Variants in RAD17 observed in about 807,000 individuals in gnomAD.
RAD17 encodes RAD17 checkpoint clamp loader component, also known as cell cycle checkpoint protein RAD17.
In RAD17, 31 loss-of-function variants were observed where a neutral mutation model predicts 81.5. The ratio of observed to expected loss-of-function variants is 0.38; its 90% confidence interval spans 0.29 to 0.51. The LOEUF (loss-of-function observed/expected upper bound fraction) is 0.51, where lower values mean the gene tolerates loss of function less well. Among genes scored for constraint, RAD17 ranks in the 20% least tolerant of loss-of-function variants. RAD17 has a pLI of 0.88. For missense variants in RAD17, 681 were observed against 781.2 expected (o/e 0.87, Z 1.53); for synonymous variants, 261 against 266.2 (o/e 0.98, Z 0.19).
rs1432694414 is a variant in RAD17, at chr5:69,389,456, TC to T, written c.1006+312del. Among the ~76,000 whole-genome samples the T allele has an allele frequency of 4.9e-4, 75 of 152,310 alleles. 1 individual carries two copies. Among genetic ancestry groups the T allele is most frequent in the Admixed American group, 1.2e-3 (18 of 15,294 alleles). ...TATAGGCCTATGCAGGTGACTCTTA[TC>T]TTTCTGTGCCTCTGTTTTCTCACCT... On this transcript the variant is annotated intron_variant, in intron 12 of 18. Transcript: ENST00000354868.
At chr5:69,399,625 TTATC>T in intron 16 of RAD17, among the ~76,000 whole-genome samples, 1 of 152,348 alleles carries the variant, frequency 6.6e-6, no homozygotes, top group African/African-American at 2.4e-5. Flanking sequence ...TGCATATAAA[TTATC>T]TAAGACTGTT....
chr5:69,398,322 G>T (rs866251759), intron 16 of RAD17, among the ~76,000 whole-genome samples: 1 of 152,110 alleles, frequency 6.6e-6, no homozygotes, highest in East Asian at 1.9e-4. Flanking sequence ...GAAAGGAGAA[G>T]AAATCTTGGC....
chr5:69,374,592 A>G, intron 5 of RAD17, 36 bp from the exon 6 acceptor site: 1 of 1,517,740 alleles, frequency 6.6e-7, no homozygotes, highest in Non-Finnish European at 9.0e-7. Flanking sequence ...TCTTCAGTTA[A>G]GAAGTTTTGT....
chr5:69,397,006 G>T (rs995502408), intron 16 of RAD17, among the ~76,000 whole-genome samples: 3 of 151,668 alleles, frequency 2.0e-5, no homozygotes, highest in Non-Finnish European at 4.4e-5. Context: ...CTAATTTTTT[G>T]TATTTTTAGT....
Position 69,374,654 on chromosome 5 carries a change from A to G in RAD17, c.294A>G (p.Lys98=). 1.2e-6 allele frequency: 2 copies of G among 1,611,198 alleles called. No individual in the cohort carries two copies. The highest frequency in any genetic ancestry group is 1.1e-5 in the South Asian group (1 of 90,010). Residue 98 remains lysine (K), a synonymous_variant, in exon 6 of 19, where the codon AAA becomes AAG. Coordinates refer to ENST00000354868, the MANE Select transcript of RAD17 (RefSeq NM_133338.3). ...ATGAACTTGCTGTGCATAAAAAGAA[A>G]ATTGAAGAAGTCGAAACCTGGTTAA... ...TQHELAVHKK[K]IEEVETWLKA...
rs200527967 is a variant in RAD17, at chr5:69,389,038, G to T, written c.899G>T (p.Gly300Val). 4.1e-5 allele frequency: 60 copies of T among 1,463,562 alleles called. No individual in the cohort carries two copies. The East Asian group carries it at 7.2e-4, about 18-fold the overall frequency. 90.7% of individuals were successfully genotyped at this position (1,463,562 alleles called of 1,614,324 possible). The change falls in exon 12 of 19, where the codon GGA becomes GTA. Residue 300 changes from glycine to valine, a missense_variant. Physicochemically the swap from Gly to Val is moderately radical, Grantham distance 109. Transcript: ENST00000354868. ...AATTTAATTTTCTTATTTTAGAATG[G>T]AGGAAAAATTACTGTCCCTGACAAA... ...RIVTIEANKN[G>V]GKITVPDKTS...
upstream of RAD17, chr5:69,369,472 G>A (rs759423974): frequency 4.3e-6 from 7 of 1,611,308 alleles, no homozygotes; most frequent in South Asian, 3.3e-5. Context: ...CCGGTGAGCA[G>A]GATGTTCGGA....
intron 17 of RAD17, among the ~76,000 whole-genome samples, chr5:69,407,883 A>G (rs1423945692): frequency 6.6e-6 from 1 of 152,168 alleles, no homozygotes; most frequent in African/African-American, 2.4e-5. Context: ...TTCTGGTTCA[A>G]ATCTACTGTT....
intron 12 of RAD17, among the ~76,000 whole-genome samples, chr5:69,391,591 C>T (rs1009595943): frequency 6.6e-6 from 1 of 152,116 alleles, no homozygotes; most frequent in African/African-American, 2.4e-5. Flanking sequence ...AGAGATTGTG[C>T]TATTGTGCAT....
rs1762807755 is a variant in RAD17, at chr5:69,369,818, G to T, written c.-532G>T. 1 of 1,070,464 alleles carries T rather than the reference G, an allele frequency of 9.3e-7. No individual in the cohort carries two copies. The highest frequency in any genetic ancestry group is 2.7e-5 in the East Asian group (1 of 37,066). 66.3% of individuals were successfully genotyped at this position (1,070,464 alleles called of 1,614,324 possible). A position where few individuals can be genotyped will look rare whatever the true frequency, so the allele number is the denominator to read the frequency against. ...CAGTCTGGAAGGTCCCCGGGAGGCCGTACCTCCGAGAGGCTCGGCGTTGAG... is the reference window on the plus strand; with the variant it reads ...CAGTCTGGAAGGTCCCCGGGAGGCCTTACCTCCGAGAGGCTCGGCGTTGAG... On this transcript the variant is annotated 5_prime_UTR_variant, in exon 1 of 19. Coordinates refer to ENST00000354868, the MANE Select transcript of RAD17 (RefSeq NM_133338.3).
chr5:69,377,451 A>G (rs1270038952), intron 6 of RAD17, among the ~76,000 whole-genome samples: 1 of 11,134 alleles, frequency 9.0e-5, no homozygotes, highest in African/African-American at 1.3e-4. Flanking sequence ...ATATATATAT[A>G]TATATATATA....
intron 3 of RAD17, 79 bp from the exon 4 acceptor site, chr5:69,371,955 C>A: frequency 1.3e-6 from 1 of 765,500 alleles, no homozygotes; most frequent in Non-Finnish European, 1.8e-6. Flanking sequence ...GTAGCTATTT[C>A]CCTAAGTGGT....
At chr5:69,396,305 CTAAA>C in intron 15 of RAD17, 88 bp from the exon 16 acceptor site, 2 of 1,340,100 alleles carry the variant, frequency 1.5e-6, no homozygotes, top group South Asian at 3.0e-5. Flanking sequence ...CACATAGAAA[CTAAA>C]TACGGTTAGT....
At chr5:69,412,087 G>T (rs544702201) in intron 18 of RAD17, among the ~76,000 whole-genome samples, 2 of 152,078 alleles carry the variant, frequency 1.3e-5, no homozygotes, top group African/African-American at 4.8e-5. Context: ...CTGCCGAGTA[G>T]CTGGGACTAC....
intron 5 of RAD17, 35 bp from the exon 6 acceptor site, chr5:69,374,590 TAAG>T (rs1240442138): frequency 1.3e-6 from 2 of 1,508,110 alleles, no homozygotes; most frequent in Admixed American, 1.9e-5. Flanking sequence ...AATCTTCAGT[TAAG>T]AAGTTTTGTT....
At position 69,396,405 on chromosome 5, in the gene RAD17, T is replaced by C; in HGVS notation, c.1431T>C (p.Ser477=). The C allele has an allele frequency of 1.2e-6, 2 of 1,610,750 alleles. No homozygotes were observed. Among genetic ancestry groups the C allele is most frequent in the South Asian group, 2.2e-5 (2 of 90,298 alleles). The change falls in exon 16 of 19, where the codon TCT becomes TCC. Residue 477 remains serine (S), a synonymous_variant. Transcript: ENST00000354868. The stretch of plus-strand genomic sequence containing the variant: ...CTTGTCTCATTTGTTAGACACGCTC[T>C]TTACTCAGGGAATATAGCACATCTA... ...DILSGDWNTR[S]LLREYSTSIA...
At chr5:69,374,575 CA>C in intron 5 of RAD17, 52 bp from the exon 6 acceptor site, 3 of 1,371,794 alleles carry the variant, frequency 2.2e-6, no homozygotes, top group Admixed American at 2.0e-5. Flanking sequence ...GCTGATGTAC[CA>C]AAAAATCTTC....
chr5:69,409,143 A>G (rs1443276201), intron 17 of RAD17, among the ~76,000 whole-genome samples: 1 of 151,868 alleles, frequency 6.6e-6, no homozygotes, highest in East Asian at 1.9e-4. Context: ...CTCTGGGCAA[A>G]ATCTCTAAGC....
chr5:69,392,873 G>A, intron 13 of RAD17: 1 of 466,298 alleles, frequency 2.1e-6, no homozygotes, highest in Admixed American at 3.0e-5. Context: ...AGGGAAGAAA[G>A]CAACCCAAAG....
Sources: gnomAD v4.1 joint callset for allele counts (sites outside exome capture counted in the v4.1 genomes callset) on GRCh38, gnomAD v4.1.1 for gene constraint, MANE v1.5 for transcripts, NCBI Gene and HGNC (gene_info 2026-07-23, HGNC 2026-07-21) for gene names.